GGA2: variants seen among roughly 807,000 people sequenced by gnomAD.
GGA2 encodes golgi associated, gamma adaptin ear containing, ARF binding protein 2.
Under a neutral mutation model 79.5 loss-of-function variants are expected in GGA2, and 48 were observed. That is an observed-to-expected ratio of 0.60 (90% CI 0.48 to 0.77). GGA2 has a LOEUF of 0.77. GGA2 is among the 30% of genes least tolerant of loss of function. The pLI is 0.00. For synonymous variants in GGA2, 317 were observed against 302.0 expected (o/e 1.05, Z -0.51); for missense variants, 770 against 774.0 (o/e 0.99, Z 0.06).
At chr16:23,467,953 C>A (rs559420340) in intron 16 of GGA2, among the ~76,000 whole-genome samples, 1 of 152,232 alleles carries the variant, frequency 6.6e-6, no homozygotes, top group South Asian at 2.1e-4. Flanking sequence ...TCAGAGGACT[C>A]CAGAGGATTA....
intron 11 of GGA2, among the ~76,000 whole-genome samples, chr16:23,479,524 T>G (rs984388946): frequency 1.8e-5 from 2 of 112,658 alleles, no homozygotes; most frequent in Non-Finnish European, 3.7e-5. Context: ...CTACTCACAC[T>G]CTCCCTGACT....
chr16:23,503,949 T>C (rs905690008), intron 1 of GGA2, among the ~76,000 whole-genome samples: 1 of 152,114 alleles, frequency 6.6e-6, no homozygotes, highest in Non-Finnish European at 1.5e-5. Flanking sequence ...GGTATGGTGC[T>C]GCATGCCTGC....
intron 2 of GGA2, among the ~76,000 whole-genome samples, chr16:23,518,935 A>C (rs1965118937): frequency 6.6e-6 from 1 of 152,222 alleles, no homozygotes; most frequent in South Asian, 2.1e-4. Flanking sequence ...ATATAATTTC[A>C]TATAGTAAAA....
chr16:23,502,865 AAC>A (rs1056156758), intron 1 of GGA2, among the ~76,000 whole-genome samples: 21 of 152,242 alleles, frequency 1.4e-4, no homozygotes, highest in Admixed American at 8.5e-4. Context: ...CTACAAGGGA[AAC>A]ACTTTCTGAG....
intron 14 of GGA2, among the ~76,000 whole-genome samples, 198 bp from the exon 15 acceptor site, chr16:23,470,363 C>A (rs542853579): frequency 6.6e-6 from 1 of 152,270 alleles, no homozygotes; most frequent in East Asian, 1.9e-4. Context: ...CCAAACTGAC[C>A]TTTCCCCACC....
chr16:23,503,955 C>T (rs1964947157), intron 1 of GGA2, among the ~76,000 whole-genome samples: 1 of 152,116 alleles, frequency 6.6e-6, no homozygotes, highest in Non-Finnish European at 1.5e-5. Flanking sequence ...GTGCTGCATG[C>T]CTGCAGTCCC....
Position 23,496,118 on chromosome 16 carries a change from T to C in GGA2, c.92-340A>G, listed in dbSNP as rs562132139. 4.6e-5 allele frequency among the ~76,000 whole-genome samples: 7 copies of C among 151,876 alleles called. No homozygotes were observed. In the East Asian group the frequency reaches 1.2e-3, roughly 25 times the overall value. On this transcript the variant is annotated intron_variant, in intron 1 of 16. Transcript: ENST00000309859. ...AAGTTTGAGACTAGCCTGACCAACA[T>C]GATGAAACCCCATCTCTACTAAAAA...
In GGA2 at chr16:23,466,403, A is replaced by G. The variant is rs935318093; in HGVS notation, c.*1187T>C. Reference sequence around the variant, plus strand: ...GATTATAAACTTGAATTCTTCCATCAACAAATATCCACCTCTCCTGTCCAG... The same window carrying G: ...GATTATAAACTTGAATTCTTCCATCGACAAATATCCACCTCTCCTGTCCAG... On this transcript the variant is annotated 3_prime_UTR_variant, in exon 17 of 17. Coordinates refer to ENST00000309859, the MANE Select transcript of GGA2 (RefSeq NM_015044.4). The G allele has an allele frequency of 6.6e-6, 1 of 152,196 alleles. No individual in the cohort carries two copies. Among genetic ancestry groups the G allele is most frequent in the Non-Finnish European group, 1.5e-5 (1 of 68,040 alleles). 9.4% of individuals were successfully genotyped at this position (152,196 alleles called of 1,614,324 possible). A position where few individuals can be genotyped will look rare whatever the true frequency, so the allele number is the denominator to read the frequency against.
At chr16:23,514,409 GT>G (rs1965091838), upstream of GGA2, among the ~76,000 whole-genome samples, 1 of 151,742 alleles carries the variant, frequency 6.6e-6, no homozygotes, top group African/African-American at 2.4e-5. Context: ...TGCCCGGCCT[GT>G]AAAACTTTAA....
chr16:23,509,475 C>T (rs1965010863), intron 1 of GGA2, among the ~76,000 whole-genome samples: 1 of 152,102 alleles, frequency 6.6e-6, no homozygotes, highest in Non-Finnish European at 1.5e-5. Context: ...ATGTGACTGC[C>T]GGCTTGTACC....
At chr16:23,515,711 A>C (rs1258614594) in intron 2 of GGA2, among the ~76,000 whole-genome samples, 1 of 151,816 alleles carries the variant, frequency 6.6e-6, no homozygotes, top group African/African-American at 2.4e-5. Flanking sequence ...CCTGGATTTC[A>C]GGCATTCAGG....
chr16:23,513,653 T>C (rs1330595349), upstream of GGA2, among the ~76,000 whole-genome samples: 1 of 150,700 alleles, frequency 6.6e-6, no homozygotes, highest in African/African-American at 2.4e-5. Flanking sequence ...GGTGTGCTGG[T>C]GTGTACTTGT....
At chr16:23,521,825 T>C (rs923548951) in exon 1 of GGA2, 4 of 455,590 alleles carry the variant, frequency 8.8e-6, no homozygotes, top group African/African-American at 8.0e-5. Context: ...CTTTTAACCA[T>C]TCTTAATGTC....
chr16:23,509,682 G>A (rs963200976), intron 1 of GGA2, among the ~76,000 whole-genome samples: 1 of 151,250 alleles, frequency 6.6e-6, no homozygotes, highest in Non-Finnish European at 1.5e-5. Context: ...TCTGGCCAAA[G>A]GGTTTGAGCC....
chr16:23,470,618 C>CTGGGCA (rs1964497611), intron 14 of GGA2, among the ~76,000 whole-genome samples: 1 of 151,916 alleles, frequency 6.6e-6, no homozygotes, highest in Non-Finnish European at 1.5e-5. Flanking sequence ...CAAAAATTAG[C>CTGGGCA]TGGGCATGGT....
chr16:23,501,883 G>A (rs1964925474), intron 1 of GGA2, among the ~76,000 whole-genome samples: 1 of 152,116 alleles, frequency 6.6e-6, no homozygotes, highest in African/African-American at 2.4e-5. Context: ...TTGTTCCACT[G>A]GGTCCAGATG....
In GGA2 at chr16:23,508,057, C is replaced by T. The variant is rs1052022232; in HGVS notation, c.91+2264G>A. ...CTGAGGCAGCTACTTTCTCTTACTC[C>T]GGCTACTTTTTTTTTTTTTTTTTGA... On this transcript the variant is annotated intron_variant, in intron 1 of 16. Coordinates refer to ENST00000309859, the MANE Select transcript of GGA2 (RefSeq NM_015044.4). 1.5e-4 allele frequency among the ~76,000 whole-genome samples: 23 copies of T among 151,102 alleles called. 1 individual carries two copies. The highest frequency in any genetic ancestry group is 1.6e-4 in the Non-Finnish European group (11 of 67,848).
chr16:23,486,144 T>C lies in GGA2; in HGVS notation c.669A>G (p.Glu223=). The change falls in exon 8 of 17, where the codon GAA becomes GAG. Residue 223 remains glutamate, a synonymous_variant. Coordinates refer to ENST00000309859, the MANE Select transcript of GGA2 (RefSeq NM_015044.4). ...LIKNLVKEEQ[E]KSEKVSKRVS... is the part of the protein sequence containing the mutation. ...CCCTCTTGGACACCTTCTCCGATTT[T>C]TCTTGTTCCTTTTGGGAAAAAGAGG... The C allele has an allele frequency of 6.2e-7, 1 of 1,614,034 alleles. No homozygotes were observed. Among genetic ancestry groups the C allele is most frequent in the Non-Finnish European group, 8.5e-7 (1 of 1,179,912 alleles).
chr16:23,512,894 A>G (rs546891049), upstream of GGA2, among the ~76,000 whole-genome samples: 10 of 151,968 alleles, frequency 6.6e-5, no homozygotes, highest in African/African-American at 2.4e-4. Context: ...TAGTAGAGAC[A>G]GCGTTTCACC....
Sources: allele counts gnomAD v4.1 joint callset (sites outside exome capture counted in the v4.1 genomes callset), GRCh38; gene constraint gnomAD v4.1.1; transcripts MANE v1.5; gene names NCBI Gene and HGNC (gene_info 2026-07-23, HGNC 2026-07-21).